Variants in VPS13B observed in about 807,000 individuals in gnomAD.
The protein encoded by VPS13B is intermembrane lipid transfer protein VPS13B.
A neutral mutation model predicts 426.4 loss-of-function variants in VPS13B; 285 were observed. The ratio of observed to expected loss-of-function variants is 0.67; its 90% confidence interval spans 0.61 to 0.74. VPS13B has a LOEUF of 0.74. Among genes scored for constraint, VPS13B ranks in the 30% least tolerant of loss-of-function variants. The pLI is 0.00. For missense variants in VPS13B, 4,537 were observed against 4,782.6 expected (o/e 0.95, Z 1.51); for synonymous variants, 1,676 against 1,676.4 (o/e 1.00, Z 0.01).
chr8:99,819,527 G>T lies in VPS13B; in HGVS notation c.8737G>T (p.Gly2913Trp), dbSNP rs772913211. The T allele has an allele frequency of 1.2e-5, 20 of 1,613,678 alleles. No homozygotes were observed. Among genetic ancestry groups the T allele is most frequent in the Non-Finnish European group, 1.7e-5 (20 of 1,179,870 alleles). The change falls in exon 48 of 62, where the codon GGG (glycine) becomes TGG (tryptophan). Residue 2913 changes from glycine (G) to tryptophan (W), a missense_variant. This residue lies in a region of VPS13B where 4,311 missense variants were observed against 4,474.3 expected (regional missense o/e 0.96). Coordinates refer to ENST00000357162, the MANE Select transcript of VPS13B (RefSeq NM_152564.5). ...TAATCAGATCCTTGACGAATTCTAT[G>T]GGCCAGAAAAGTCGCTTCAACCCAT... ...TVNQILDEFY[G>W]PEKSLQPIWP...
intron 3 of VPS13B, among the ~76,000 whole-genome samples, chr8:99,079,752 A>T (rs1303068632): frequency 1.3e-5 from 2 of 151,902 alleles, no homozygotes; most frequent in Non-Finnish European, 2.9e-5. Flanking sequence ...TTGCCAGTTG[A>T]GTGGTTTTGA....
chr8:99,847,624 C>T (rs1031334617), intron 54 of VPS13B, among the ~76,000 whole-genome samples: 6 of 152,232 alleles, frequency 3.9e-5, no homozygotes, highest in African/African-American at 9.6e-5. Flanking sequence ...GCTGGAGGGG[C>T]TGGGCTGCAG....
chr8:99,014,974 A>G (rs1841537251), intron 2 of VPS13B, among the ~76,000 whole-genome samples: 1 of 152,040 alleles, frequency 6.6e-6, no homozygotes, highest in Non-Finnish European at 1.5e-5. Flanking sequence ...TCAGAGACCA[A>G]CTGCTTTTTA....
chr8:99,677,422 GT>G (rs1830984048), intron 35 of VPS13B, among the ~76,000 whole-genome samples: 1 of 152,080 alleles, frequency 6.6e-6, no homozygotes, highest in South Asian at 2.1e-4. Flanking sequence ...ATCATAGTTT[GT>G]TTTCTCTGTG....
intron 33 of VPS13B, among the ~76,000 whole-genome samples, chr8:99,625,999 C>T (rs80289487): frequency 3.3e-5 from 5 of 152,204 alleles, no homozygotes; most frequent in African/African-American, 4.8e-5. Context: ...TTAGAGGAAA[C>T]CACATACCGT....
intron 3 of VPS13B, among the ~76,000 whole-genome samples, chr8:99,084,017 G>A (rs7350099): frequency 0.062 from 9,300 of 150,582 alleles, 391 homozygotes; most frequent in Non-Finnish European, 0.096. Context: ...GATTGGAATA[G>A]TTTCAGAAGG....
intron 21 of VPS13B, among the ~76,000 whole-genome samples, chr8:99,395,310 G>C (rs1228586578): frequency 6.6e-6 from 1 of 152,228 alleles, no homozygotes; most frequent in Non-Finnish European, 1.5e-5. Context: ...TTGAGAGTTT[G>C]CTGAATAGCA....
intron 3 of VPS13B, among the ~76,000 whole-genome samples, chr8:99,080,265 G>A (rs1421939427): frequency 6.6e-6 from 1 of 151,394 alleles, no homozygotes; most frequent in Admixed American, 6.6e-5. Context: ...GGGTTTTTCT[G>A]GTTTTTGTAT....
intron 27 of VPS13B, among the ~76,000 whole-genome samples, chr8:99,506,115 A>G (rs1588445905): frequency 1.3e-5 from 2 of 152,180 alleles, no homozygotes; most frequent in East Asian, 1.9e-4. Context: ...CTATACCAAT[A>G]TAATCATTGG....
At chr8:99,864,422 G>A (rs1281513408) in intron 58 of VPS13B, among the ~76,000 whole-genome samples, 1 of 152,096 alleles carries the variant, frequency 6.6e-6, no homozygotes, top group Non-Finnish European at 1.5e-5. Flanking sequence ...GCCAGGCATG[G>A]TGGCACATCC....
intron 3 of VPS13B, among the ~76,000 whole-genome samples, chr8:99,077,378 C>T (rs527561753): frequency 6.6e-6 from 1 of 152,214 alleles, no homozygotes; most frequent in Non-Finnish European, 1.5e-5. Context: ...CCCTGTTGGT[C>T]AGGCTGGTCT....
At chr8:99,016,841 C>T (rs934671065) in intron 2 of VPS13B, among the ~76,000 whole-genome samples, 3 of 152,148 alleles carry the variant, frequency 2.0e-5, no homozygotes, top group African/African-American at 2.4e-5. Context: ...CCTCCTGTCT[C>T]GGCCTCCCAA....
At chr8:99,104,464 G>A (rs193213889) in intron 5 of VPS13B, among the ~76,000 whole-genome samples, 127 of 152,224 alleles carry the variant, frequency 8.3e-4, no homozygotes, top group African/African-American at 2.9e-3. Flanking sequence ...CTTGGTGAAG[G>A]CAAGGCAATA....
intron 42 of VPS13B, among the ~76,000 whole-genome samples, chr8:99,781,947 G>C (rs540232283): frequency 2.0e-5 from 3 of 152,208 alleles, no homozygotes; most frequent in Non-Finnish European, 4.4e-5. Context: ...ATGCTCAATG[G>C]AAAAATCTCA....
At chr8:99,044,072 T>TC (rs1011316808) in intron 3 of VPS13B, among the ~76,000 whole-genome samples, 7 of 141,384 alleles carry the variant, frequency 5.0e-5, no homozygotes, top group Middle Eastern at 7.5e-3. Flanking sequence ...TTCTTTTTTT[T>TC]TTTCTTTCTT....
chr8:99,164,158 T>C (rs1225704443), intron 15 of VPS13B, among the ~76,000 whole-genome samples: 1 of 152,090 alleles, frequency 6.6e-6, no homozygotes, highest in Admixed American at 6.5e-5. Flanking sequence ...TTGAACTCAT[T>C]TGGGGTTCCA....
chr8:99,819,742 A>T (rs1419462135), intron 48 of VPS13B, among the ~76,000 whole-genome samples, 160 bp downstream of exon 48: 4 of 152,080 alleles, frequency 2.6e-5, no homozygotes, highest in Non-Finnish European at 5.9e-5. Flanking sequence ...TTTATTCATG[A>T]TCTAGATCAT....
intron 39 of VPS13B, among the ~76,000 whole-genome samples, chr8:99,737,810 A>G (rs1439817342): frequency 6.6e-6 from 1 of 152,232 alleles, no homozygotes; most frequent in Admixed American, 6.5e-5. Flanking sequence ...CAGCTAAATC[A>G]TATGTTGGTT....
intron 21 of VPS13B, among the ~76,000 whole-genome samples, chr8:99,392,355 AT>A (rs1303966362): frequency 1.6e-4 from 24 of 152,182 alleles, no homozygotes; most frequent in African/African-American, 4.8e-4. Context: ...TCAATATATA[AT>A]TAAAAAAATA....
Sources: allele counts gnomAD v4.1 joint callset (sites outside exome capture counted in the v4.1 genomes callset), GRCh38; gene constraint gnomAD v4.1.1; regional missense constraint gnomAD v4.1.1; transcripts MANE v1.5; gene names NCBI Gene and HGNC (gene_info 2026-07-23, HGNC 2026-07-21).